The following MAP9 variants were observed in gnomAD, a reference collection of about 807,000 sequenced individuals.
MAP9 encodes microtubule-associated protein 9.
In MAP9, 80 loss-of-function variants were observed where a neutral mutation model predicts 75.2. The observed-to-expected ratio is 1.06, with a 90% CI of 0.89 to 1.28. MAP9 has a LOEUF of 1.28. Among genes scored for constraint, MAP9 ranks in the 50% most tolerant of loss-of-function variants. The pLI is 0.00. For synonymous variants in MAP9, 235 were observed against 237.3 expected (o/e 0.99, Z 0.09); for missense variants, 753 against 719.9 (o/e 1.05, Z -0.53).
rs1018518548 is a variant in MAP9, at chr4:155,344,635, G to A, written c.*3148C>T. The A allele has an allele frequency of 6.6e-6, 1 of 151,902 alleles. No homozygotes were observed. The highest frequency in any genetic ancestry group is 1.5e-5 in the Non-Finnish European group (1 of 67,860). 9.4% of individuals were successfully genotyped at this position (151,902 alleles called of 1,614,324 possible). On this transcript the variant is annotated 3_prime_UTR_variant, in exon 14 of 14. Transcript: ENST00000311277. ...CAATAAATGGACTAACACTTTTGAA[G>A]TATGAAGCAAATACAAACCACTGGA...
At chr4:155,352,156 G>C (rs1288215391) in intron 13 of MAP9, 1 of 158,396 alleles carries the variant, frequency 6.3e-6, no homozygotes, top group Admixed American at 6.5e-5. Flanking sequence ...GATTCTCCTT[G>C]AGGTCATCAG....
chr4:155,353,297 G>A lies in MAP9; in HGVS notation c.1424C>T (p.Ala475Val). ...KREEALASFE[A>V]WKAMKEKEAK... The stretch of plus-strand genomic sequence containing the variant: ...TTCCTTTTCTTTCATAGCCTTCCAG[G>A]CCTCAAATGATGCTAATGCTTCTTC... Residue 475 changes from alanine to valine, a missense_variant, in exon 11 of 14, where the codon GCC becomes GTC. Ala to Val is a moderately conservative substitution (Grantham distance 64). Coordinates refer to ENST00000311277, the MANE Select transcript of MAP9 (RefSeq NM_001039580.2). 1 of 1,600,556 alleles carries A rather than the reference G, an allele frequency of 6.2e-7. No individual in the cohort carries two copies. Among genetic ancestry groups the A allele is most frequent in the South Asian group, 1.1e-5 (1 of 87,510 alleles).
chr4:155,352,560 GA>G, intron 13 of MAP9, 35 bp downstream of exon 13: 1 of 1,545,876 alleles, frequency 6.5e-7, no homozygotes. Flanking sequence ...AAAGGTACAT[GA>G]AAAAGACGAA....
rs1431673431 is a variant in MAP9, at chr4:155,360,298, A to T, written c.920T>A (p.Val307Glu). Residue 307 changes from valine (V) to glutamate (E), a missense_variant, in exon 7 of 14, where the codon GTG (valine) becomes GAG (glutamate). Coordinates refer to ENST00000311277, the MANE Select transcript of MAP9 (RefSeq NM_001039580.2). ...TTCTTCTTCAAGGTCATCAGCAGTC[A>T]CTTGACTTTCCTTGGATTTCTCAAC... ...TAVEKSKESQ[V>E]TADDLEEEKA... 1.9e-6 allele frequency: 3 copies of T among 1,613,256 alleles called. No individual in the cohort carries two copies. Among genetic ancestry groups the T allele is most frequent in the Non-Finnish European group, 2.5e-6 (3 of 1,179,436 alleles).
intron 6 of MAP9, 38 bp from the exon 7 acceptor site, chr4:155,360,453 C>A: frequency 1.3e-6 from 2 of 1,571,710 alleles, no homozygotes; most frequent in Non-Finnish European, 1.7e-6. Flanking sequence ...AAACCCCCTT[C>A]TGAATTAATA....
At position 155,347,772 on chromosome 4, in the gene MAP9, A is replaced by G; in HGVS notation, c.*11T>C. 1 of 1,588,568 alleles carries G rather than the reference A, an allele frequency of 6.3e-7. No homozygotes were observed. Among genetic ancestry groups the G allele is most frequent in the Non-Finnish European group, 8.5e-7 (1 of 1,170,904 alleles). On this transcript the variant is annotated 3_prime_UTR_variant, in exon 14 of 14. Transcript: ENST00000311277. The stretch of plus-strand genomic sequence containing the variant: ...CCGATAAATAACCAAATAATGTAAG[A>G]ACTAGAATTATCAAAACACTTTTGC...
intron 10 of MAP9, 46 bp from the exon 11 acceptor site, chr4:155,353,386 A>T (rs1731614018): frequency 7.6e-7 from 1 of 1,321,988 alleles, no homozygotes; most frequent in South Asian, 2.0e-5. Flanking sequence ...ATATGTATAT[A>T]TACATAGACA....
chr4:155,354,955 C>A lies in MAP9; in HGVS notation c.1380+116G>T, dbSNP rs1578837691. ...ACAGAAGTAAAACCGGAAATCATTT[C>A]TTTAATATACAAGTTATTTTGCCAT... On this transcript the variant is annotated intron_variant, in intron 10 of 13. Transcript: ENST00000311277. The A allele has an allele frequency of 1.4e-5, 7 of 488,458 alleles. No individual in the cohort carries two copies. The East Asian group carries it at 2.5e-4, about 18-fold the overall frequency. 30.3% of individuals were successfully genotyped at this position (488,458 alleles called of 1,614,324 possible).
Position 155,373,218 on chromosome 4 carries a change from T to C in MAP9, c.399A>G (p.Gln133=), listed in dbSNP as rs1318460609. 1 of 1,608,406 alleles carries C rather than the reference T, an allele frequency of 6.2e-7. No homozygotes were observed. The highest frequency in any genetic ancestry group is 8.5e-7 in the Non-Finnish European group (1 of 1,177,736). Residue 133 remains glutamine, a synonymous_variant, in exon 4 of 14, where the codon CAA becomes CAG. Coordinates refer to ENST00000311277, the MANE Select transcript of MAP9 (RefSeq NM_001039580.2). Reference sequence around the variant, plus strand: ...CTTTTTCAAATTCCTCATCCTTATTTTGAGATTCAGAGAAAGATTTTACAA... The same window carrying C: ...CTTTTTCAAATTCCTCATCCTTATTCTGAGATTCAGAGAAAGATTTTACAA... The part of the protein sequence containing the change: ...DIVVKSFSES[Q]NKDEEFEKDK...
chr4:155,357,642 A>G, intron 7 of MAP9, 123 bp from the exon 8 acceptor site: 2 of 641,152 alleles, frequency 3.1e-6, no homozygotes, highest in South Asian at 1.7e-5. Flanking sequence ...CACAGTAGAA[A>G]TTGGGAGCAA....
chr4:155,361,786 C>G (rs1732092299), intron 6 of MAP9, among the ~76,000 whole-genome samples: 1 of 151,984 alleles, frequency 6.6e-6, no homozygotes. Flanking sequence ...ATTAACTAGG[C>G]TAATGGCTAA....
chr4:155,373,307 C>T lies in MAP9; in HGVS notation c.310G>A (p.Asp104Asn), dbSNP rs773424962. 26 of 1,613,866 alleles carry T rather than the reference C, an allele frequency of 1.6e-5. No homozygotes were observed. In the South Asian group the frequency reaches 2.3e-4, roughly 14 times the overall value. ...TTTTTGATGGCACACACTGGCTCAT[C>T]TTTGGTTATGTTACCGTTTGATTTA... ...TNKSNGNITK[D>N]EPVCAIKNEE... The change falls in exon 4 of 14, where the codon GAT becomes AAT. Residue 104 changes from aspartate to asparagine, a missense_variant. Asp to Asn is a conservative substitution (Grantham distance 23). Transcript: ENST00000311277.
In MAP9 at chr4:155,352,973, G is replaced by A; in HGVS notation, c.1627C>T (p.Gln543Ter). ...TCGGCAACAGTTTCCTCCTCTTTCT[G>A]TTTCTTTGCTCTTTCATATTCTCTC... is the stretch of plus-strand genomic sequence containing the variant. Reference protein sequence around the residue: ...KEREYERAKKQKEEETVAEKK... With the variant: ...KEREYERAKK The change falls in exon 12 of 14, where the codon CAG becomes TAG. Residue 543 changes from glutamine (Q) to a stop codon, truncating the protein, a stop_gained. Transcript: ENST00000311277. LOFTEE classifies it high-confidence loss of function. 9 of 1,540,554 alleles carry A rather than the reference G, an allele frequency of 5.8e-6. No homozygotes were observed. The highest frequency in any genetic ancestry group is 4.9e-5 in the East Asian group (2 of 40,722).
chr4:155,355,282 T>TA, intron 9 of MAP9, 122 bp from the exon 10 acceptor site: 1 of 368,230 alleles, frequency 2.7e-6, no homozygotes, highest in African/African-American at 2.1e-5. Flanking sequence ...TATTCTACTC[T>TA]AAAAAAGACA....
chr4:155,370,899 A>G lies in MAP9; in HGVS notation c.482-2087T>C, dbSNP rs563334751. ...TATTCTAAGCACTTCAAATATGTGAACTCATTTAATTGCCTCAAACTCCTA... is the reference window on the plus strand; with the variant it reads ...TATTCTAAGCACTTCAAATATGTGAGCTCATTTAATTGCCTCAAACTCCTA... On this transcript the variant is annotated intron_variant, in intron 4 of 13. Transcript: ENST00000311277. Among the ~76,000 whole-genome samples, 4 of 152,266 alleles carry G rather than the reference A, an allele frequency of 2.6e-5. No individual in the cohort carries two copies. The South Asian group carries it at 8.3e-4, about 32-fold the overall frequency.
rs555580873 is a variant in MAP9 at position 155,372,328 on chromosome 4, G to T, written c.481+808C>A. On this transcript the variant is annotated intron_variant, in intron 4 of 13. Transcript: ENST00000311277. ...TGATATGCAAGGAGATTTTTATGAAGGTTAACATCAACTAATAATTCCTTT... is the reference window on the plus strand; with the variant it reads ...TGATATGCAAGGAGATTTTTATGAATGTTAACATCAACTAATAATTCCTTT... 8.5e-5 allele frequency among the ~76,000 whole-genome samples: 13 copies of T among 152,216 alleles called. No homozygotes were observed. The South Asian group carries it at 2.5e-3, about 29-fold the overall frequency.
intron 5 of MAP9, among the ~76,000 whole-genome samples, chr4:155,364,508 A>AT: frequency 7.1e-6 from 1 of 141,130 alleles, no homozygotes; most frequent in South Asian, 2.2e-4. Context: ...TTACCTATAT[A>AT]TAGATATTGT....
chr4:155,352,686 TTC>T lies in MAP9; in HGVS notation c.1729_1730del (p.Glu577LysfsTer4). On this transcript the variant is annotated frameshift_variant, in exon 13 of 14. Transcript: ENST00000311277. LOFTEE classifies it high-confidence loss of function. ...CTTCCTTTCTTTTCTCATTTATTTT[TTC>T]TTTTTCCTTTTGCTTGAAAAAAGCT... ...KEAFFKQKEK[E>X]KINEKRKEEL... 6.4e-7 allele frequency: 1 copy of T among 1,558,168 alleles called. No individual in the cohort carries two copies. The highest frequency in any genetic ancestry group is 8.8e-7 in the Non-Finnish European group (1 of 1,141,532).
In MAP9 at chr4:155,346,956, T is replaced by A. The variant is rs1731308254; in HGVS notation, c.*827A>T. ...ACAGGACTAGCTAAGATGACAATAATTGCCTAAATCACCTTTATGGCTTTA... is the reference window on the plus strand; with the variant it reads ...ACAGGACTAGCTAAGATGACAATAAATGCCTAAATCACCTTTATGGCTTTA... On this transcript the variant is annotated 3_prime_UTR_variant, in exon 14 of 14. Coordinates refer to ENST00000311277, the MANE Select transcript of MAP9 (RefSeq NM_001039580.2). 1 of 152,496 alleles carries A rather than the reference T, an allele frequency of 6.6e-6. No homozygotes were observed. Among genetic ancestry groups the A allele is most frequent in the African/African-American group, 2.4e-5 (1 of 41,454 alleles). The allele number at this position is 152,496 out of a possible 1,614,324, so 9.4% of individuals were successfully genotyped here. A position where few individuals can be genotyped will look rare whatever the true frequency, so the allele number is the denominator to read the frequency against.
Sources: allele counts gnomAD v4.1 joint callset (sites outside exome capture counted in the v4.1 genomes callset), GRCh38; gene constraint gnomAD v4.1.1; transcripts MANE v1.5; gene names NCBI Gene and HGNC (gene_info 2026-07-23, HGNC 2026-07-21).